Variants in FUT9 observed in about 807,000 individuals in gnomAD.
FUT9 encodes the protein 4-galactosyl-N-acetylglucosaminide 3-alpha-L-fucosyltransferase 9.
FUT9 carries 15 observed loss-of-function variants against 29.7 expected under a neutral mutation model. The ratio of observed to expected loss-of-function variants is 0.51; its 90% CI spans 0.34 to 0.78. The LOEUF is 0.78. FUT9 is among the 30% of genes least tolerant of loss of function. FUT9 has a pLI of 0.01. For synonymous variants in FUT9, 169 were observed against 153.7 expected (o/e 1.10, Z -0.74); for missense variants, 319 against 425.4 (o/e 0.75, Z 2.20).
At chr6:96,147,692 A>G (rs573263433) in intron 2 of FUT9, among the ~76,000 whole-genome samples, 1 of 151,842 alleles carries the variant, frequency 6.6e-6, no homozygotes, top group Non-Finnish European at 1.5e-5. Flanking sequence ...AGATTTCTTA[A>G]CTCTTCATCC....
At chr6:96,110,007 T>C (rs962720379) in intron 1 of FUT9, among the ~76,000 whole-genome samples, 1 of 152,164 alleles carries the variant, frequency 6.6e-6, no homozygotes, top group African/African-American at 2.4e-5. Flanking sequence ...GACTTTGCAC[T>C]TTGTGTCTAC....
At chr6:96,038,190 A>G (rs766094195) in intron 1 of FUT9, among the ~76,000 whole-genome samples, 10 of 152,148 alleles carry the variant, frequency 6.6e-5, no homozygotes, top group Non-Finnish European at 1.2e-4. Flanking sequence ...TTAATTTCCA[A>G]TTATGGAATC....
At chr6:96,110,099 T>C (rs186108732) in intron 1 of FUT9, among the ~76,000 whole-genome samples, 43 of 152,266 alleles carry the variant, frequency 2.8e-4, no homozygotes, top group African/African-American at 1.0e-3. Flanking sequence ...GAAATCTTCC[T>C]TTTCTGGCTG....
At chr6:96,100,565 T>C (rs769425249) in intron 1 of FUT9, among the ~76,000 whole-genome samples, 10 of 152,280 alleles carry the variant, frequency 6.6e-5, no homozygotes, top group Middle Eastern at 3.4e-3. Flanking sequence ...AGCCAAAATA[T>C]GGACAAGAAC....
intron 1 of FUT9, among the ~76,000 whole-genome samples, chr6:96,052,514 C>T (rs970674678): frequency 1.3e-5 from 2 of 152,124 alleles, no homozygotes; most frequent in African/African-American, 2.4e-5. Context: ...TCATTAAGCA[C>T]AGTTTATTTT....
chr6:96,078,405 C>CTGTT (rs1201729276), intron 1 of FUT9, among the ~76,000 whole-genome samples: 1 of 45,194 alleles, frequency 2.2e-5, no homozygotes. Flanking sequence ...TCATATTAGT[C>CTGTT]TTCTTTTTTT....
At chr6:96,028,800 A>G (rs1770211074) in intron 1 of FUT9, among the ~76,000 whole-genome samples, 1 of 151,638 alleles carries the variant, frequency 6.6e-6, no homozygotes, top group Non-Finnish European at 1.5e-5. Context: ...TGAGCACGGA[A>G]GAGCTAATTA....
intron 1 of FUT9, among the ~76,000 whole-genome samples, chr6:96,112,277 A>G (rs1238000938): frequency 2.0e-5 from 3 of 152,202 alleles, no homozygotes; most frequent in African/African-American, 4.8e-5. Context: ...TGCTTTCATA[A>G]TTATATGACA....
chr6:96,152,512 C>T (rs1582270382), intron 2 of FUT9, among the ~76,000 whole-genome samples: 1 of 152,282 alleles, frequency 6.6e-6, no homozygotes, highest in East Asian at 1.9e-4. Context: ...TACACGGCAA[C>T]TGCTCAATAA....
At chr6:96,041,325 T>A (rs1292127614) in intron 1 of FUT9, among the ~76,000 whole-genome samples, 1 of 152,150 alleles carries the variant, frequency 6.6e-6, no homozygotes, top group Non-Finnish European at 1.5e-5. Context: ...ATTACTCAAG[T>A]TCTTCCCTAC....
chr6:96,069,457 T>C (rs1370178730), intron 1 of FUT9, among the ~76,000 whole-genome samples: 1 of 151,982 alleles, frequency 6.6e-6, no homozygotes, highest in Non-Finnish European at 1.5e-5. Flanking sequence ...AGTGACAAGA[T>C]TTTTAAAAAT....
At chr6:96,130,559 A>C (rs1259334477) in intron 2 of FUT9, among the ~76,000 whole-genome samples, 12 of 152,180 alleles carry the variant, frequency 7.9e-5, no homozygotes, top group Admixed American at 7.9e-4. Flanking sequence ...GATTAACTGC[A>C]ATTCATGAGC....
intron 1 of FUT9, among the ~76,000 whole-genome samples, chr6:96,060,597 C>T (rs542943574): frequency 9.2e-5 from 14 of 151,362 alleles, no homozygotes; most frequent in Admixed American, 5.9e-4. Context: ...AGCACAGTTG[C>T]GCTATCTGAG....
At chr6:96,074,591 G>A (rs907607690) in intron 1 of FUT9, among the ~76,000 whole-genome samples, 2 of 152,014 alleles carry the variant, frequency 1.3e-5, no homozygotes, top group Non-Finnish European at 2.9e-5. Flanking sequence ...ATATTTTGGA[G>A]TCTCATTGTT....
chr6:96,022,517 T>A lies in FUT9; in HGVS notation c.-98+6305T>A, dbSNP rs188478463. ...TTTCCAGTAGTTTTTTTGCTTTTGT[T>A]AAGGTGAATATAGATCAAATCATGG... On this transcript the variant is annotated intron_variant, in intron 1 of 2. Transcript: ENST00000302103. Among the ~76,000 whole-genome samples the A allele has an allele frequency of 9.9e-5, 15 of 152,078 alleles. No homozygotes were observed. The East Asian group carries it at 2.7e-3, about 27-fold the overall frequency.
intron 2 of FUT9, among the ~76,000 whole-genome samples, chr6:96,150,890 A>C (rs1772663671): frequency 1.3e-5 from 2 of 152,190 alleles, no homozygotes; most frequent in Admixed American, 1.3e-4. Flanking sequence ...TAACACTCCT[A>C]CTTTGTTCCT....
rs1334931394 is a variant in FUT9 at position 96,212,095 on chromosome 6, G to A, written c.*7860G>A. 3 of 412,390 alleles carry A rather than the reference G, an allele frequency of 7.3e-6. No homozygotes were observed. Among genetic ancestry groups the A allele is most frequent in the Admixed American group, 8.8e-5 (2 of 22,646 alleles). The allele number at this position is 412,390 out of a possible 1,614,324, so 25.5% of individuals were successfully genotyped here. A position where few individuals can be genotyped will look rare whatever the true frequency, so the allele number is the denominator to read the frequency against. ...TTAATGAGGGTTCAGGAAATAGAAA[G>A]GCAGTCTCTGCAGAAGCAGTATCCA... On this transcript the variant is annotated 3_prime_UTR_variant, in exon 3 of 3. Coordinates refer to ENST00000302103, the MANE Select transcript of FUT9 (RefSeq NM_006581.4).
At chr6:96,067,938 A>G (rs147699089) in intron 1 of FUT9, among the ~76,000 whole-genome samples, 194 of 152,224 alleles carry the variant, frequency 1.3e-3, no homozygotes, top group African/African-American at 4.5e-3. Flanking sequence ...AAGCTCTTAA[A>G]ATGGTGTCTG....
chr6:96,075,361 T>A (rs757048619), intron 1 of FUT9, among the ~76,000 whole-genome samples: 1 of 152,132 alleles, frequency 6.6e-6, no homozygotes, highest in African/African-American at 2.4e-5. Flanking sequence ...CCAAGAAAAC[T>A]TGAGAAACCA....
Sources: allele counts gnomAD v4.1 joint callset (sites outside exome capture counted in the v4.1 genomes callset), GRCh38; gene constraint gnomAD v4.1.1; transcripts MANE v1.5; gene names NCBI Gene and HGNC (gene_info 2026-07-23, HGNC 2026-07-21).